FGF13: variants seen among roughly 807,000 people sequenced by gnomAD.
FGF13 encodes fibroblast growth factor 13, also known as fibroblast growth factor homologous factor 2.
FGF13 carries 2 observed loss-of-function variants against 19.5 expected under a neutral mutation model. The observed-to-expected ratio is 0.10, with a 90% CI of 0.04 to 0.32. FGF13 has a LOEUF of 0.32. Among genes scored for constraint, FGF13 ranks in the 10% least tolerant of loss-of-function variants. The pLI, the probability that FGF13 is intolerant of heterozygous loss-of-function variation, is 1.00. For missense variants in FGF13, 113 were observed against 192.7 expected (o/e 0.59, Z 2.45); for synonymous variants, 72 against 76.9 (o/e 0.94, Z 0.33).
intron 1 of FGF13, among the ~76,000 whole-genome samples, chrX:138,950,967 C>T (rs57982060): frequency 0.05 from 5,572 of 111,102 alleles, 142 homozygotes; most frequent in East Asian, 0.17. Context: ...GTACAACAGA[C>T]ACCACTCGTT....
chrX:138,925,257 T>C (rs929408898), intron 1 of FGF13, among the ~76,000 whole-genome samples: 3 of 111,573 alleles, frequency 2.7e-5, no homozygotes, highest in African/African-American at 9.8e-5. Flanking sequence ...ATGATACTCA[T>C]GCAAGGTCAC....
chrX:138,649,813 G>A (rs1208258534), intron 3 of FGF13, among the ~76,000 whole-genome samples: 1 of 112,391 alleles, frequency 8.9e-6, no homozygotes, highest in Non-Finnish European at 1.9e-5. Context: ...CACAATGCAT[G>A]ATTTCCCTAG....
intron 3 of FGF13, among the ~76,000 whole-genome samples, chrX:138,786,889 A>T (rs1235455086): frequency 8.9e-6 from 1 of 112,164 alleles, no homozygotes; most frequent in Non-Finnish European, 1.9e-5. Context: ...ATTAGCACCA[A>T]GTCAAGGAGA....
intron 3 of FGF13, among the ~76,000 whole-genome samples, chrX:138,798,923 AT>A (rs990485538): frequency 9.0e-6 from 1 of 110,686 alleles, no homozygotes; most frequent in African/African-American, 3.3e-5. Context: ...CCTCTTTATA[AT>A]TTTTTTGTGT....
intron 1 of FGF13, among the ~76,000 whole-genome samples, chrX:139,048,923 G>A (rs1211075855): frequency 2.7e-5 from 3 of 110,911 alleles, no homozygotes; most frequent in African/African-American, 6.6e-5. Flanking sequence ...CAACACTAAC[G>A]AGTACTTCTA....
chrX:138,773,311 T>C (rs1025974765), intron 3 of FGF13, among the ~76,000 whole-genome samples: 5 of 111,748 alleles, frequency 4.5e-5, no homozygotes, highest in Non-Finnish European at 9.4e-5. Flanking sequence ...CTTGCAGCCC[T>C]TCCAGAAAAA....
intron 1 of FGF13, among the ~76,000 whole-genome samples, chrX:138,720,140 AT>A (rs1240270861): frequency 4.4e-5 from 5 of 112,754 alleles, no homozygotes; most frequent in Non-Finnish European, 7.5e-5. Flanking sequence ...ATCATTACTT[AT>A]GTCATTGATA....
intron 1 of FGF13, among the ~76,000 whole-genome samples, chrX:138,917,851 C>T (rs1012994138): frequency 1.8e-5 from 2 of 111,808 alleles, no homozygotes; most frequent in African/African-American, 3.3e-5. Context: ...TAATTAAAAA[C>T]AGACTTTTTG....
intron 1 of FGF13, among the ~76,000 whole-genome samples, chrX:139,011,469 A>T (rs969732692): frequency 1.2e-4 from 13 of 111,625 alleles, no homozygotes; most frequent in Non-Finnish European, 1.3e-4. Flanking sequence ...ATACAACAGC[A>T]TATCAAAAAG....
chrX:138,884,819 G>A (rs959182049), intron 1 of FGF13, among the ~76,000 whole-genome samples: 1 of 111,502 alleles, frequency 9.0e-6, no homozygotes, highest in African/African-American at 3.3e-5. Context: ...ACCTTCCTGT[G>A]GATTCACTTA....
At chrX:138,683,014 AT>A (rs756010928) in intron 3 of FGF13, among the ~76,000 whole-genome samples, 1 of 111,267 alleles carries the variant, frequency 9.0e-6, no homozygotes, top group South Asian at 3.8e-4. Context: ...ATTCCTTTAT[AT>A]TTAACTCTAT....
intron 1 of FGF13, among the ~76,000 whole-genome samples, chrX:139,130,903 G>A (rs755476233): frequency 5.4e-5 from 6 of 110,919 alleles, no homozygotes; most frequent in African/African-American, 9.8e-5. Flanking sequence ...TTACGTTTTC[G>A]TATTAATATG....
intron 1 of FGF13, among the ~76,000 whole-genome samples, chrX:138,993,544 G>A (rs946125465): frequency 1.8e-5 from 2 of 111,472 alleles, no homozygotes; most frequent in African/African-American, 6.5e-5. Flanking sequence ...TAAGACAACA[G>A]AGTACTCAAA....
chrX:139,118,977 A>G (rs1024305565), intron 1 of FGF13, among the ~76,000 whole-genome samples: 6 of 111,652 alleles, frequency 5.4e-5, no homozygotes, highest in Non-Finnish European at 1.1e-4. Flanking sequence ...CCTGGGCAAC[A>G]CAGAGACCCC....
chrX:139,074,286 CTA>C (rs1242103499), intron 1 of FGF13, among the ~76,000 whole-genome samples: 2 of 112,339 alleles, frequency 1.8e-5, no homozygotes, highest in Non-Finnish European at 3.8e-5. Flanking sequence ...CAAGCTAGTT[CTA>C]TGTTTCATTC....
intron 3 of FGF13, among the ~76,000 whole-genome samples, chrX:138,662,842 G>GAGCT (rs1370032728): frequency 8.9e-6 from 1 of 111,850 alleles, no homozygotes; most frequent in Non-Finnish European, 1.9e-5. Flanking sequence ...GCCTACTGCA[G>GAGCT]AGCTACTGGG....
intron 1 of FGF13, among the ~76,000 whole-genome samples, chrX:139,154,475 G>A (rs930617884): frequency 7.2e-5 from 8 of 111,824 alleles, no homozygotes; most frequent in African/African-American, 2.6e-4. Context: ...CATAACCACG[G>A]AAGCAATAAT....
chrX:138,957,329 G>T, intron 1 of FGF13, among the ~76,000 whole-genome samples: 1 of 111,993 alleles, frequency 8.9e-6, no homozygotes, highest in Non-Finnish European at 1.9e-5. Flanking sequence ...TTTGTGAAAA[G>T]ATGGATGAAG....
In FGF13 at chrX:138,934,437, T is replaced by C. The variant is rs552656873; in HGVS notation, c.-112-69787A>G. Among the ~76,000 whole-genome samples the C allele has an allele frequency of 5.3e-4, 60 of 112,344 alleles. No individual in the cohort carries two copies. In the South Asian group the frequency reaches 9.0e-3, roughly 17 times the overall value. ...TGGCCATTTCATGGGCAAGCAGAAA[T>C]GACCTGCCATCATGCTAAAAACTGC... On this transcript the variant is annotated intron_variant, in intron 1 of 2. Coordinates refer to the FGF13 transcript ENST00000421460.
Sources: allele counts gnomAD v4.1 joint callset (sites outside exome capture counted in the v4.1 genomes callset), GRCh38; gene constraint gnomAD v4.1.1; transcripts MANE v1.5; gene names NCBI Gene and HGNC (gene_info 2026-07-23, HGNC 2026-07-21).